Variants in CELF2 observed in about 807,000 individuals in gnomAD.
The protein encoded by CELF2 is CUGBP Elav-like family member 2.
In CELF2, 8 loss-of-function variants were observed where a neutral mutation model predicts 62.6. The ratio of observed to expected loss-of-function variants is 0.13; its 90% CI spans 0.07 to 0.23. CELF2 has a LOEUF of 0.23. CELF2 is among the 10% of genes least tolerant of loss of function. CELF2 has a pLI of 1.00. For synonymous variants in CELF2, 258 were observed against 250.0 expected (o/e 1.03, Z -0.30); for missense variants, 333 against 671.0 (o/e 0.50, Z 5.56).
chr10:11,310,927 A>T (rs1215044585), intron 9 of CELF2, among the ~76,000 whole-genome samples: 1 of 152,188 alleles, frequency 6.6e-6, no homozygotes, highest in Non-Finnish European at 1.5e-5. Flanking sequence ...GAAAGAGGAA[A>T]CTCAGAGAAG....
intron 1 of CELF2, among the ~76,000 whole-genome samples, chr10:10,843,823 G>C (rs2058839267): frequency 6.6e-6 from 1 of 151,974 alleles, no homozygotes; most frequent in African/African-American, 2.4e-5. Context: ...TTCTGAATCT[G>C]TCCCAGTTGT....
the CELF2 span, among the ~76,000 whole-genome samples, chr10:10,689,266 A>G: frequency 6.6e-6 from 1 of 152,144 alleles, no homozygotes; most frequent in South Asian, 2.1e-4. Context: ...CCTTCTTCAC[A>G]TGGTGGCAGG....
chr10:10,767,995 C>CAAAAAAAAA, the CELF2 span, among the ~76,000 whole-genome samples: 9 of 23,050 alleles, frequency 3.9e-4, no homozygotes, highest in African/African-American at 1.5e-3. Flanking sequence ...GACTCCGTCT[C>CAAAAAAAAA]AAAAAAAAAA....
chr10:10,772,710 A>G, the CELF2 span, among the ~76,000 whole-genome samples: 1 of 152,232 alleles, frequency 6.6e-6, no homozygotes, highest in Non-Finnish European at 1.5e-5. Flanking sequence ...GGAGAAGCTC[A>G]AGATTTCCCT....
the CELF2 span, among the ~76,000 whole-genome samples, chr10:10,724,674 A>AG: frequency 7.0e-6 from 1 of 143,820 alleles, no homozygotes; most frequent in Admixed American, 6.8e-5. Context: ...AAAAAAAGAA[A>AG]AAAGAAAAGT....
intron 1 of CELF2, among the ~76,000 whole-genome samples, chr10:10,910,031 GTATT>G (rs1295461872): frequency 1.3e-5 from 2 of 152,186 alleles, no homozygotes; most frequent in African/African-American, 4.8e-5. Context: ...ATGCAGGCTG[GTATT>G]TGCAAATCCC....
intron 1 of CELF2, among the ~76,000 whole-genome samples, chr10:10,856,608 G>A (rs556935576): frequency 2.6e-4 from 40 of 152,200 alleles, no homozygotes; most frequent in African/African-American, 8.9e-4. Flanking sequence ...TTCTGTCTTC[G>A]TTAGCATCTT....
the CELF2 span, among the ~76,000 whole-genome samples, chr10:10,775,208 T>TGAGGA: frequency 1.3e-5 from 2 of 151,976 alleles, no homozygotes; most frequent in African/African-American, 2.4e-5. Context: ...ACCTGGAATG[T>TGAGGA]GAGGAGAGGG....
chr10:10,614,794 T>C, the CELF2 span, among the ~76,000 whole-genome samples: 2 of 152,090 alleles, frequency 1.3e-5, no homozygotes, highest in Admixed American at 6.5e-5. Context: ...AGGACTTTTT[T>C]CTCTGCAATT....
chr10:10,715,836 A>C, the CELF2 span, among the ~76,000 whole-genome samples: 1 of 152,298 alleles, frequency 6.6e-6, no homozygotes, highest in South Asian at 2.1e-4. Context: ...TGATATTTAA[A>C]CTGGTATATC....
upstream of CELF2, chr10:10,796,823 C>T (rs558106352): frequency 9.1e-6 from 8 of 881,656 alleles, 1 homozygote; most frequent in South Asian, 2.1e-4. Flanking sequence ...CATGATTACG[C>T]TGTGGTCTGA....
chr10:10,643,826 A>G, the CELF2 span, among the ~76,000 whole-genome samples: 16 of 152,232 alleles, frequency 1.1e-4, 1 homozygote, highest in African/African-American at 3.9e-4. Flanking sequence ...TTAAATTGTG[A>G]CAGTCTTAAG....
At chr10:10,788,552 TC>T in the CELF2 span, among the ~76,000 whole-genome samples, 1 of 128,876 alleles carries the variant, frequency 7.8e-6, no homozygotes, top group Admixed American at 1.0e-4. Flanking sequence ...AACCTCCACC[TC>T]CCAGATTCAA....
the CELF2 span, among the ~76,000 whole-genome samples, chr10:10,750,563 G>C: frequency 1.3e-5 from 2 of 152,328 alleles, no homozygotes; most frequent in Non-Finnish European, 2.9e-5. Flanking sequence ...GGATTAATTT[G>C]GATTAAATAC....
intron 2 of CELF2, among the ~76,000 whole-genome samples, chr10:10,930,583 A>G (rs1430457021): frequency 6.6e-6 from 1 of 152,178 alleles, no homozygotes; most frequent in Admixed American, 6.5e-5. Flanking sequence ...GCCATAGAGA[A>G]TTGGAGATTT....
chr10:11,208,591 G>A (rs576233510), intron 2 of CELF2, among the ~76,000 whole-genome samples: 1 of 152,354 alleles, frequency 6.6e-6, no homozygotes, highest in Admixed American at 6.5e-5. Flanking sequence ...GACCTTCCCT[G>A]GAATGGGGGT....
the CELF2 span, among the ~76,000 whole-genome samples, chr10:10,645,253 CTGGCTGGATTGT>C: frequency 6.6e-6 from 1 of 152,210 alleles, no homozygotes; most frequent in Non-Finnish European, 1.5e-5. Context: ...CTTTCAGGGG[CTGGCTGGATTGT>C]TGGCAATTCT....
the CELF2 span, among the ~76,000 whole-genome samples, chr10:10,618,111 C>T: frequency 6.6e-6 from 1 of 152,044 alleles, no homozygotes; most frequent in Non-Finnish European, 1.5e-5. Context: ...GCCTGGATTG[C>T]CGACACAGAC....
intron 2 of CELF2, among the ~76,000 whole-genome samples, chr10:11,206,558 G>C (rs191336224): frequency 5.6e-4 from 86 of 152,298 alleles, no homozygotes; most frequent in African/African-American, 1.8e-3. Flanking sequence ...TAGCCTGAAG[G>C]CCTGCCTGCT....
Sources: allele counts gnomAD v4.1 joint callset (sites outside exome capture counted in the v4.1 genomes callset), GRCh38; gene constraint gnomAD v4.1.1; transcripts MANE v1.5; gene names NCBI Gene and HGNC (gene_info 2026-07-23, HGNC 2026-07-21).